The following FAM120A variants were observed in gnomAD, a reference collection of about 807,000 sequenced individuals.
The protein encoded by FAM120A is constitutive coactivator of PPAR-gamma-like protein 1.
FAM120A carries 15 observed loss-of-function variants against 109.7 expected under a neutral mutation model. That is an observed-to-expected ratio of 0.14 (90% CI 0.09 to 0.21). The LOEUF is 0.21. Among genes scored for constraint, FAM120A ranks in the 10% least tolerant of loss-of-function variants. FAM120A has a pLI of 1.00. For missense variants in FAM120A, 899 were observed against 1,439.3 expected (o/e 0.62, Z 6.07); for synonymous variants, 493 against 572.8 (o/e 0.86, Z 1.99).
chr9:93,478,924 A>G lies in FAM120A; in HGVS notation c.804+2586A>G, dbSNP rs141621579. On this transcript the variant is annotated intron_variant, in intron 3 of 17. Coordinates refer to ENST00000277165, the MANE Select transcript of FAM120A (RefSeq NM_014612.5). ...CAGAATTGTATGTATCCCACCTGCT[A>G]TTTTAGTCTCTTTGTTTTTCCCCAG... Among the ~76,000 whole-genome samples, 659 of 152,174 alleles carry G rather than the reference A, an allele frequency of 4.3e-3. 2 individuals are homozygous for G. The highest frequency in any genetic ancestry group is 7.2e-3 in the South Asian group (35 of 4,828).
chr9:93,461,992 A>G (rs1857812161), intron 1 of FAM120A, among the ~76,000 whole-genome samples: 1 of 152,340 alleles, frequency 6.6e-6, no homozygotes. Flanking sequence ...CATCACAAGC[A>G]GTGTGTGCTA....
intron 7 of FAM120A, among the ~76,000 whole-genome samples, chr9:93,520,655 T>C (rs1350357380): frequency 6.6e-6 from 1 of 152,238 alleles, no homozygotes; most frequent in Admixed American, 6.5e-5. Context: ...AGATTTGCTC[T>C]GTGCCTGTAG....
At chr9:93,515,041 G>T (rs1306424169) in intron 5 of FAM120A, among the ~76,000 whole-genome samples, 1 of 151,932 alleles carries the variant, frequency 6.6e-6, no homozygotes, top group Non-Finnish European at 1.5e-5. Context: ...CATCAGGCAG[G>T]TTTATGAAAT....
At chr9:93,465,951 A>G (rs775459982) in intron 1 of FAM120A, among the ~76,000 whole-genome samples, 2 of 152,078 alleles carry the variant, frequency 1.3e-5, no homozygotes, top group African/African-American at 2.4e-5. Flanking sequence ...CTTTCTCTAT[A>G]TTAAATTATG....
At chr9:93,557,128 T>G (rs112988463) in intron 13 of FAM120A, among the ~76,000 whole-genome samples, 399 of 24,872 alleles carry the variant, frequency 0.016, no homozygotes, top group African/African-American at 0.092. Flanking sequence ...TTTGTTTTGG[T>G]TTTTTTTTTT....
At chr9:93,466,916 G>A (rs148469167) in intron 1 of FAM120A, among the ~76,000 whole-genome samples, 1,596 of 152,224 alleles carry the variant, frequency 0.01, 20 homozygotes, top group Middle Eastern at 0.014. Flanking sequence ...TGTTAACACA[G>A]ATTCTGGGAG....
At chr9:93,535,839 C>T (rs1360770248) in intron 10 of FAM120A, among the ~76,000 whole-genome samples, 1 of 152,186 alleles carries the variant, frequency 6.6e-6, no homozygotes, top group African/African-American at 2.4e-5. Context: ...TCAAAACCAA[C>T]CTTGTTTGAG....
chr9:93,551,314 C>G (rs1862088167), intron 12 of FAM120A, among the ~76,000 whole-genome samples: 1 of 152,098 alleles, frequency 6.6e-6, no homozygotes, highest in African/African-American at 2.4e-5. Flanking sequence ...CAAGTTGTCA[C>G]CTAATTTTTC....
rs771139900 is a variant in FAM120A, at chr9:93,516,225, A to G, written c.1374A>G (p.Thr458=). 6.9e-5 allele frequency: 111 copies of G among 1,613,610 alleles called. No homozygotes were observed. Among genetic ancestry groups the G allele is most frequent in the South Asian group, 3.1e-4 (28 of 91,070 alleles). ...CCGCCTACTTCCCTGGCTCTTCTACATCGTCATCTTCCGACAACGACGAGG... is the reference window on the plus strand; with the variant it reads ...CCGCCTACTTCCCTGGCTCTTCTACGTCGTCATCTTCCGACAACGACGAGG... ...VDSAYFPGSS[T]SSSSDNDEGS... The change falls in exon 7 of 18, where the codon ACA becomes ACG. Residue 458 remains threonine (T), a synonymous_variant. Coordinates refer to ENST00000277165, the MANE Select transcript of FAM120A (RefSeq NM_014612.5).
intron 4 of FAM120A, 130 bp downstream of exon 4, chr9:93,497,729 C>T (rs541652852): frequency 1.7e-5 from 20 of 1,148,502 alleles, no homozygotes; most frequent in East Asian, 1.1e-4. Flanking sequence ...AGCTCTTGCT[C>T]AGGCCACTGG....
At chr9:93,564,113 G>C (rs531897207) in intron 17 of FAM120A, 116 bp from the exon 18 acceptor site, 2 of 1,019,452 alleles carry the variant, frequency 2.0e-6, no homozygotes, top group Non-Finnish European at 2.9e-6. Flanking sequence ...GAAGGACCCA[G>C]CTGGGCATTT....
chr9:93,459,507 A>G (rs1184416347), intron 1 of FAM120A, among the ~76,000 whole-genome samples: 1 of 152,166 alleles, frequency 6.6e-6, no homozygotes, highest in Non-Finnish European at 1.5e-5. Context: ...AGCACCTGTT[A>G]ATGCCCAGGC....
intron 3 of FAM120A, among the ~76,000 whole-genome samples, chr9:93,492,667 G>C (rs965272473): frequency 6.6e-6 from 1 of 152,202 alleles, no homozygotes; most frequent in Admixed American, 6.5e-5. Flanking sequence ...CCTGCGAAGT[G>C]GGGTGGTGGA....
chr9:93,517,415 G>C (rs1223493316), intron 7 of FAM120A, among the ~76,000 whole-genome samples: 1 of 152,080 alleles, frequency 6.6e-6, no homozygotes, highest in African/African-American at 2.4e-5. Flanking sequence ...CTCTGGTTGG[G>C]GCCCCCAAAT....
intron 7 of FAM120A, among the ~76,000 whole-genome samples, chr9:93,523,564 T>G (rs532237953): frequency 6.6e-6 from 1 of 152,362 alleles, no homozygotes; most frequent in South Asian, 2.1e-4. Context: ...CATTACGTTG[T>G]GTTCTAGCCA....
chr9:93,494,711 C>T (rs1224302495), intron 3 of FAM120A, among the ~76,000 whole-genome samples: 3 of 152,146 alleles, frequency 2.0e-5, no homozygotes, highest in Admixed American at 2.0e-4. Context: ...TGTTCAGTCA[C>T]TTGGGGAAAT....
rs556179951 is a variant in FAM120A, at chr9:93,485,701, A to G, written c.804+9363A>G. 1.8e-4 allele frequency among the ~76,000 whole-genome samples: 27 copies of G among 152,182 alleles called. 1 individual carries two copies. The highest frequency in any genetic ancestry group is 2.6e-4 in the African/African-American group (11 of 41,540). On this transcript the variant is annotated intron_variant, in intron 3 of 17. Transcript: ENST00000277165. ...TGCTCACAGGCCTTGTCCAGGGTCAACTTCTCTTCCTGGCCCTCTTGCTGT... is the reference window on the plus strand; with the variant it reads ...TGCTCACAGGCCTTGTCCAGGGTCAGCTTCTCTTCCTGGCCCTCTTGCTGT...
At chr9:93,559,546 C>T (rs1587640852) in intron 15 of FAM120A, among the ~76,000 whole-genome samples, 1 of 152,260 alleles carries the variant, frequency 6.6e-6, no homozygotes, top group Admixed American at 6.5e-5. Context: ...GGGTCAGCCC[C>T]TCTGTCTGCA....
chr9:93,545,630 T>G (rs1305898628), intron 11 of FAM120A, among the ~76,000 whole-genome samples: 1 of 152,198 alleles, frequency 6.6e-6, no homozygotes, highest in African/African-American at 2.4e-5. Context: ...AGCTTATTCT[T>G]GTTTTTATTT....
Sources: allele counts gnomAD v4.1 joint callset (sites outside exome capture counted in the v4.1 genomes callset), GRCh38; gene constraint gnomAD v4.1.1; transcripts MANE v1.5; gene names NCBI Gene and HGNC (gene_info 2026-07-23, HGNC 2026-07-21).